Variants in VPS26C observed in about 807,000 individuals in gnomAD.
VPS26C encodes vacuolar protein sorting-associated protein 26C.
A neutral mutation model predicts 30.6 loss-of-function variants in VPS26C; 19 were observed. The ratio of observed to expected loss-of-function variants is 0.62; its 90% confidence interval spans 0.43 to 0.91. VPS26C has a LOEUF of 0.91. VPS26C is among the 40% of genes least tolerant of loss of function. The probability of loss-of-function intolerance (pLI) is 0.00; values close to 1 mark genes in which losing one functional copy is unlikely to be tolerated. For missense variants in VPS26C, 318 were observed against 385.1 expected (o/e 0.83, Z 1.46); for synonymous variants, 132 against 151.5 (o/e 0.87, Z 0.95).
At chr21:37,246,181 T>C (rs990411843) in intron 1 of VPS26C, among the ~76,000 whole-genome samples, 4 of 152,058 alleles carry the variant, frequency 2.6e-5, no homozygotes, top group Non-Finnish European at 2.9e-5. Context: ...TCAATGAAAA[T>C]ACTCTGTAGC....
At chr21:37,236,578 G>A (rs905017709) in intron 3 of VPS26C, among the ~76,000 whole-genome samples, 3 of 152,168 alleles carry the variant, frequency 2.0e-5, no homozygotes, top group African/African-American at 7.2e-5. Flanking sequence ...TTGAGATGAA[G>A]TATCAAGACT....
intron 1 of VPS26C, among the ~76,000 whole-genome samples, chr21:37,253,304 A>G (rs889194913): frequency 2.0e-5 from 3 of 152,250 alleles, no homozygotes; most frequent in African/African-American, 4.8e-5. Context: ...GGCAGGGAAC[A>G]CAACAGGTGA....
Position 37,240,553 on chromosome 21 carries a change from G to C in VPS26C, c.144C>G (p.Asn48Lys). ...CCACACTTTTGGCACTGAGCTGGAG[G>C]TTTACAGTTCCTTCCATGGTCAAAG... ...GVSLTMEGTV[N>K]LQLSAKSVGV... is the part of the protein sequence containing the mutation. Residue 48 changes from asparagine (N) to lysine (K), a missense_variant, in exon 2 of 8, where the codon AAC becomes AAG. Transcript: ENST00000309117. 1 of 1,614,148 alleles carries C rather than the reference G, an allele frequency of 6.2e-7. No individual in the cohort carries two copies. Among genetic ancestry groups the C allele is most frequent in the East Asian group, 2.2e-5 (1 of 44,884 alleles).
intron 3 of VPS26C, 59 bp downstream of exon 3, chr21:37,238,387 TTGAGAGAAAGACCA>T: frequency 6.5e-7 from 1 of 1,543,240 alleles, no homozygotes. Context: ...TCTACTAACG[TTGAGAGAAAGACCA>T]CACCGTTTGT....
In VPS26C at chr21:37,224,650, G is replaced by C. The variant is rs1452266373; in HGVS notation, c.*894C>G. ...CAAGAGAGCAAGGAACACTTTTCCAGTTGCTTAAAAAATTTAAAGTTATAA... is the reference window on the plus strand; with the variant it reads ...CAAGAGAGCAAGGAACACTTTTCCACTTGCTTAAAAAATTTAAAGTTATAA... On this transcript the variant is annotated 3_prime_UTR_variant, in exon 8 of 8. Transcript: ENST00000309117. The C allele has an allele frequency of 6.6e-6, 1 of 152,142 alleles. No homozygotes were observed. Among genetic ancestry groups the C allele is most frequent in the Non-Finnish European group, 1.5e-5 (1 of 68,044 alleles). The allele number at this position is 152,142 out of a possible 1,614,324, so 9.4% of individuals were successfully genotyped here.
At chr21:37,245,413 A>G (rs956725014) in intron 1 of VPS26C, among the ~76,000 whole-genome samples, 3 of 152,022 alleles carry the variant, frequency 2.0e-5, no homozygotes, top group African/African-American at 7.3e-5. Context: ...AGGCCTGCAC[A>G]TTCCAGCCTT....
At chr21:37,229,369 C>G (rs1394973184) in intron 5 of VPS26C, 2 of 152,162 alleles carry the variant, frequency 1.3e-5, no homozygotes, top group Non-Finnish European at 2.9e-5. Context: ...ACATTCAAAG[C>G]CATCCTGGCC....
At chr21:37,228,539 C>T (rs2085928899) in intron 5 of VPS26C, 166 bp from the exon 6 acceptor site, 1 of 643,018 alleles carries the variant, frequency 1.6e-6, no homozygotes, top group South Asian at 1.9e-5. Flanking sequence ...ACGTCTTGGA[C>T]ATTAGCCGGC....
At chr21:37,245,045 C>T (rs2086123776) in intron 1 of VPS26C, among the ~76,000 whole-genome samples, 1 of 152,196 alleles carries the variant, frequency 6.6e-6, no homozygotes. Context: ...CACGTAAATC[C>T]TCCGGCTATT....
chr21:37,258,151 T>C (rs1331167231), intron 1 of VPS26C, among the ~76,000 whole-genome samples: 1 of 152,228 alleles, frequency 6.6e-6, no homozygotes, highest in Non-Finnish European at 1.5e-5. Context: ...TAGGAAAACG[T>C]TGCCCAGTGA....
intron 1 of VPS26C, among the ~76,000 whole-genome samples, chr21:37,248,352 G>A (rs921635073): frequency 1.7e-5 from 2 of 116,270 alleles, no homozygotes; most frequent in South Asian, 6.1e-4. Context: ...GGGGGAGGGG[G>A]GGAACAAAGC....
chr21:37,229,848 G>A (rs190974601), intron 5 of VPS26C, among the ~76,000 whole-genome samples: 3 of 152,242 alleles, frequency 2.0e-5, no homozygotes, highest in East Asian at 3.9e-4. Context: ...GAAGAAGTCT[G>A]CATTCAAGAT....
rs140398598 is a variant in VPS26C, at chr21:37,251,338, C to A, written c.58-10699G>T. On this transcript the variant is annotated intron_variant, in intron 1 of 7. Coordinates refer to ENST00000309117, the MANE Select transcript of VPS26C (RefSeq NM_006052.2). ...AATAGGAAAATTGTGAGTTTTCTTT[C>A]AACAATGTGGAGATCATTTACACTA... Among the ~76,000 whole-genome samples the A allele has an allele frequency of 2.6e-3, 396 of 152,248 alleles. 2 individuals carry two copies. The highest frequency in any genetic ancestry group is 0.014 in the Middle Eastern group (4 of 294).
chr21:37,249,786 T>C (rs1474581143), intron 1 of VPS26C, among the ~76,000 whole-genome samples: 3 of 152,022 alleles, frequency 2.0e-5, no homozygotes, highest in Non-Finnish European at 4.4e-5. Context: ...AAGAAGGAAA[T>C]TGGAGAAACT....
chr21:37,233,511 A>C lies in VPS26C; in HGVS notation c.352-69T>G. The C allele has an allele frequency of 7.1e-6, 8 of 1,127,608 alleles. No homozygotes were observed. Among genetic ancestry groups the C allele is most frequent in the Non-Finnish European group, 9.5e-6 (7 of 739,638 alleles). 69.9% of individuals were successfully genotyped at this position (1,127,608 alleles called of 1,614,324 possible). ...TTGCTTTCATCTTGGAATTATATTC[A>C]AAGAGACAAGTCAGTCAACATATTT... On this transcript the variant is annotated intron_variant, in intron 3 of 7. Coordinates refer to ENST00000309117, the MANE Select transcript of VPS26C (RefSeq NM_006052.2). This position sits in a 1 kb window ranked among gnomAD's most constrained non-coding sequence, Gnocchi z 5.2.
At chr21:37,254,672 A>G (rs772206295) in intron 1 of VPS26C, among the ~76,000 whole-genome samples, 8 of 151,966 alleles carry the variant, frequency 5.3e-5, no homozygotes, top group Non-Finnish European at 1.0e-4. Context: ...ATAGCCAGGC[A>G]TGGTGGCGGG....
intron 1 of VPS26C, among the ~76,000 whole-genome samples, chr21:37,245,302 C>T (rs2148296411): frequency 6.6e-6 from 1 of 152,346 alleles, no homozygotes; most frequent in East Asian, 1.9e-4. Flanking sequence ...AGAGCCACAG[C>T]AGCCTACAAA....
intron 1 of VPS26C, among the ~76,000 whole-genome samples, chr21:37,262,768 A>AT (rs755196084): frequency 0.037 from 5,182 of 141,378 alleles, 164 homozygotes; most frequent in African/African-American, 0.084. Context: ...TAGCACGTTA[A>AT]TTTTTTTTTT....
chr21:37,243,022 C>G (rs2086103239), intron 1 of VPS26C, among the ~76,000 whole-genome samples: 1 of 152,084 alleles, frequency 6.6e-6, no homozygotes, highest in African/African-American at 2.4e-5. Flanking sequence ...ATTAGCCCAC[C>G]TGAGGCCGAG....
Sources: allele counts gnomAD v4.1 joint callset (sites outside exome capture counted in the v4.1 genomes callset), GRCh38; gene constraint gnomAD v4.1.1; non-coding constraint Gnocchi (gnomAD v3.1); transcripts MANE v1.5; gene names NCBI Gene and HGNC (gene_info 2026-07-23, HGNC 2026-07-21).